Variants in DGKI observed in about 807,000 individuals in gnomAD.
The protein encoded by DGKI is diacylglycerol kinase iota, also known as DAG kinase iota.
In DGKI, 55 loss-of-function variants were observed where a neutral mutation model predicts 147.5. The ratio of observed to expected loss-of-function variants is 0.37; its 90% confidence interval spans 0.30 to 0.47. DGKI has a LOEUF of 0.47. Ranked by LOEUF, DGKI falls within the 20% of genes least tolerant of loss-of-function variation. The pLI, the probability that DGKI is intolerant of heterozygous loss-of-function variation, is 1.00. For missense variants in DGKI, 1,007 were observed against 1,323.8 expected (o/e 0.76, Z 3.71); for synonymous variants, 469 against 477.1 (o/e 0.98, Z 0.22).
At chr7:137,392,499 T>G (rs1419149322) in intron 32 of DGKI, among the ~76,000 whole-genome samples, 4 of 152,240 alleles carry the variant, frequency 2.6e-5, no homozygotes, top group African/African-American at 4.8e-5. Context: ...CAGAGACTTC[T>G]CAGCTTTCAT....
intron 8 of DGKI, among the ~76,000 whole-genome samples, chr7:137,615,764 C>A (rs995153898): frequency 5.3e-5 from 8 of 152,106 alleles, no homozygotes; most frequent in African/African-American, 1.9e-4. Flanking sequence ...ATCAGAGACA[C>A]AATGACTTTT....
rs1296020034 is a variant in DGKI at position 137,450,254 on chromosome 7, T to C, written c.2736-6152A>G. Reference sequence around the variant, plus strand: ...TATAGTTAAGGATGATACACTGCATTCTTAAAAAATGCTAAGAGAGTAGAT... The same window carrying C: ...TATAGTTAAGGATGATACACTGCATCCTTAAAAAATGCTAAGAGAGTAGAT... On this transcript the variant is annotated intron_variant, in intron 27 of 32. Transcript: ENST00000614521. 2.6e-5 allele frequency among the ~76,000 whole-genome samples: 4 copies of C among 152,176 alleles called. No homozygotes were observed. In the East Asian group the frequency reaches 7.7e-4, roughly 29 times the overall value.
In DGKI at chr7:137,776,225, T is replaced by C. The variant is rs528210916; in HGVS notation, c.401+70237A>G. Among the ~76,000 whole-genome samples the C allele has an allele frequency of 4.6e-5, 7 of 152,330 alleles. No homozygotes were observed. The East Asian group carries it at 7.7e-4, about 17-fold the overall frequency. On this transcript the variant is annotated intron_variant, in intron 1 of 32. Coordinates refer to ENST00000614521, the MANE Select transcript of DGKI (RefSeq NM_001321708.2). ...GCAATGAGTGAATCATTGGAATAGA[T>C]TGATGTGTTTCCCTGTTTCAAATCA...
At chr7:137,608,292 C>T (rs903809882) in intron 10 of DGKI, among the ~76,000 whole-genome samples, 8 of 152,224 alleles carry the variant, frequency 5.3e-5, no homozygotes, top group Middle Eastern at 3.4e-3. Flanking sequence ...TAAGAAGCCT[C>T]AGAGAGTGGG....
chr7:137,468,650 C>T (rs576471379), intron 24 of DGKI, among the ~76,000 whole-genome samples: 4 of 152,222 alleles, frequency 2.6e-5, no homozygotes, highest in Admixed American at 2.6e-4. Context: ...GATCTGGCAC[C>T]AAAGTTATAA....
At chr7:137,822,049 G>A (rs1224004325) in intron 1 of DGKI, among the ~76,000 whole-genome samples, 1 of 152,192 alleles carries the variant, frequency 6.6e-6, no homozygotes, top group Non-Finnish European at 1.5e-5. Flanking sequence ...AGCTGGGTTT[G>A]AGTGTGAGAC....
At chr7:137,631,963 G>C (rs62490471) in intron 6 of DGKI, among the ~76,000 whole-genome samples, 5 of 152,176 alleles carry the variant, frequency 3.3e-5, no homozygotes, top group Non-Finnish European at 5.9e-5. Flanking sequence ...AAGTTCAGAG[G>C]TGGCTCTCCC....
intron 1 of DGKI, among the ~76,000 whole-genome samples, chr7:137,698,181 T>G (rs1158121771): frequency 6.6e-6 from 1 of 151,730 alleles, no homozygotes; most frequent in Non-Finnish European, 1.5e-5. Flanking sequence ...TAGATAGATA[T>G]ATAGATAGAT....
At chr7:137,505,234 G>A (rs114373574) in intron 21 of DGKI, among the ~76,000 whole-genome samples, 3,974 of 152,212 alleles carry the variant, frequency 0.026, 77 homozygotes, top group South Asian at 0.072. Flanking sequence ...TGAGGCCACA[G>A]GACAGAAGGA....
At chr7:137,555,221 TTTTC>T (rs983851674) in intron 19 of DGKI, among the ~76,000 whole-genome samples, 2 of 150,916 alleles carry the variant, frequency 1.3e-5, no homozygotes, top group East Asian at 2.0e-4. Flanking sequence ...GCCAAAATTA[TTTTC>T]TTTATTAAAA....
At chr7:137,817,530 G>A (rs1207915438) in intron 1 of DGKI, among the ~76,000 whole-genome samples, 1 of 152,174 alleles carries the variant, frequency 6.6e-6, no homozygotes, top group Non-Finnish European at 1.5e-5. Context: ...CTTTTCTTAT[G>A]TGTATAGAAC....
intron 21 of DGKI, among the ~76,000 whole-genome samples, chr7:137,518,468 T>C (rs1307460305): frequency 6.6e-6 from 1 of 152,094 alleles, no homozygotes; most frequent in Non-Finnish European, 1.5e-5. Flanking sequence ...TATTATGCAT[T>C]ACATGTTATA....
rs570943855 is a variant in DGKI at position 137,389,853 on chromosome 7, T to A, written c.*1367A>T. ...TCTGAAAAGGGAAAAATAAAGTAGA[T>A]AAAATAATATATTAGACTACCCCAT... On this transcript the variant is annotated 3_prime_UTR_variant, in exon 33 of 33. Transcript: ENST00000614521. The A allele has an allele frequency of 2.6e-5, 4 of 152,284 alleles. No homozygotes were observed. Among genetic ancestry groups the A allele is most frequent in the South Asian group, 4.1e-4 (2 of 4,826 alleles). The allele number at this position is 152,284 out of a possible 1,614,324, so 9.4% of individuals were successfully genotyped here. A position where few individuals can be genotyped will look rare whatever the true frequency, so the allele number is the denominator to read the frequency against.
intron 20 of DGKI, among the ~76,000 whole-genome samples, chr7:137,550,014 T>G: frequency 6.6e-6 from 1 of 152,340 alleles, no homozygotes; most frequent in Non-Finnish European, 1.5e-5. Flanking sequence ...TATCTTTAAG[T>G]CTTATAAATA....
chr7:137,837,545 T>A (rs1798420916), intron 1 of DGKI, among the ~76,000 whole-genome samples: 1 of 152,114 alleles, frequency 6.6e-6, no homozygotes, highest in East Asian at 1.9e-4. Context: ...TTCTAGAAGG[T>A]GGGGCCACTG....
At chr7:137,423,206 A>G (rs974105805) in intron 28 of DGKI, among the ~76,000 whole-genome samples, 2 of 152,224 alleles carry the variant, frequency 1.3e-5, no homozygotes, top group African/African-American at 4.8e-5. Flanking sequence ...CCCACAAATG[A>G]GAGGAAGGTG....
intron 23 of DGKI, among the ~76,000 whole-genome samples, chr7:137,477,369 A>G (rs1179088228): frequency 6.6e-6 from 1 of 152,232 alleles, no homozygotes; most frequent in African/African-American, 2.4e-5. Flanking sequence ...ATATGTTTTT[A>G]GCATGTTGCA....
chr7:137,519,379 G>T (rs1816886629), intron 21 of DGKI, among the ~76,000 whole-genome samples: 1 of 151,994 alleles, frequency 6.6e-6, no homozygotes, highest in Non-Finnish European at 1.5e-5. Flanking sequence ...TGATGGAAAA[G>T]AACCACATGC....
intron 20 of DGKI, among the ~76,000 whole-genome samples, chr7:137,540,788 A>C (rs1817672171): frequency 7.1e-6 from 1 of 139,958 alleles, no homozygotes; most frequent in Non-Finnish European, 1.6e-5. Flanking sequence ...AAAAAAAAAA[A>C]CATTTACAAT....
Sources: gnomAD v4.1 joint callset for allele counts (sites outside exome capture counted in the v4.1 genomes callset) on GRCh38, gnomAD v4.1.1 for gene constraint, MANE v1.5 for transcripts, NCBI Gene and HGNC (gene_info 2026-07-23, HGNC 2026-07-21) for gene names.